The following RBM33 variants were observed in gnomAD, a reference collection of about 807,000 sequenced individuals.
The protein encoded by RBM33 is RNA-binding protein 33.
In RBM33, 28 loss-of-function variants were observed where a neutral mutation model predicts 132.6. The ratio of observed to expected loss-of-function variants is 0.21; its 90% CI spans 0.16 to 0.29. RBM33 has a LOEUF of 0.29. Among genes scored for constraint, RBM33 ranks in the 10% least tolerant of loss-of-function variants. The pLI is 1.00. For synonymous variants in RBM33, 634 were observed against 593.0 expected, an observed-to-expected ratio of 1.07 and a Z score of -1.01; for missense variants, 1,291 against 1,518.5, an observed-to-expected ratio of 0.85 and a Z score of 2.49.
intron 14 of RBM33, among the ~76,000 whole-genome samples, chr7:155,751,359 A>T (rs980255911): frequency 6.6e-6 from 1 of 152,218 alleles, no homozygotes; most frequent in Non-Finnish European, 1.5e-5. Flanking sequence ...TTACAAAACC[A>T]TATTTGTACA....
Position 155,763,815 on chromosome 7 carries a change from G to A in RBM33, c.2983G>A (p.Gly995Arg), listed in dbSNP as rs966468299. Reference sequence around the variant, plus strand: ...GCTGCCTTCTTGGTTTCAGCAGGGAGGAGAGAGCGATGGCTTTTTTCACCC... The same window carrying A: ...GCTGCCTTCTTGGTTTCAGCAGGGAAGAGAGAGCGATGGCTTTTTTCACCC... ...VRVIKLSGGGGESDGFFHPEG... is the reference protein window; with the variant it reads ...VRVIKLSGGGRESDGFFHPEG... Residue 995 changes from glycine to arginine, a missense_variant, in exon 15 of 18, where the codon GGA (glycine) becomes AGA (arginine). By Grantham distance (125) the Gly-to-Arg change is moderately radical. Transcript: ENST00000401878. The A allele has an allele frequency of 1.4e-5, 23 of 1,609,348 alleles. No individual in the cohort carries two copies. The highest frequency in any genetic ancestry group is 2.0e-5 in the Non-Finnish European group (23 of 1,177,894).
Position 155,738,157 on chromosome 7 carries a change from T to C in RBM33, c.1491T>C (p.Pro497=). ...PPPTLLNSSH[P]VPTQSPLPFT... The stretch of plus-strand genomic sequence containing the variant: ...CTACCCTTCTTAACAGTAGCCATCC[T>C]GTTCCTACTCAGAGTCCTCTACCAT... The change falls in exon 11 of 18, where the codon CCT becomes CCC. Residue 497 remains proline, a synonymous_variant. Transcript: ENST00000401878. 1.9e-6 allele frequency: 3 copies of C among 1,614,014 alleles called. No homozygotes were observed. The highest frequency in any genetic ancestry group is 2.5e-6 in the Non-Finnish European group (3 of 1,179,890).
In RBM33 at chr7:155,672,458, GT is replaced by G. The variant is rs552217285; in HGVS notation, c.123-408del. Reference sequence around the variant, plus strand: ...AAGAGGAAAGCATAGCAAACTTAATGTAAAAGTATCCAAGCTGGCCGGGCAT... The same window carrying G: ...AAGAGGAAAGCATAGCAAACTTAATGAAAAGTATCCAAGCTGGCCGGGCAT... On this transcript the variant is annotated intron_variant, in intron 2 of 17. Transcript: ENST00000401878. Among the ~76,000 whole-genome samples the G allele has an allele frequency of 1.4e-3, 215 of 152,220 alleles. 4 individuals are homozygous for G. Among genetic ancestry groups the G allele is most frequent in the African/African-American group, 4.9e-3 (205 of 41,538 alleles).
At chr7:155,670,249 C>A (rs1423977735) in intron 2 of RBM33, among the ~76,000 whole-genome samples, 2 of 152,292 alleles carry the variant, frequency 1.3e-5, no homozygotes, top group East Asian at 3.9e-4. Context: ...CTTTAGGGAA[C>A]TCTAGAATTG....
At chr7:155,732,147 G>A (rs1377121048) in intron 9 of RBM33, among the ~76,000 whole-genome samples, 2 of 152,202 alleles carry the variant, frequency 1.3e-5, no homozygotes, top group Non-Finnish European at 2.9e-5. Context: ...ACTGGAAAGG[G>A]GTGAAGGGGA....
chr7:155,702,203 G>A (rs1018916727), intron 6 of RBM33, among the ~76,000 whole-genome samples: 1 of 151,468 alleles, frequency 6.6e-6, no homozygotes, highest in African/African-American at 2.4e-5. Context: ...TCTTTTTTTT[G>A]TCCAAAACAT....
intron 5 of RBM33, among the ~76,000 whole-genome samples, chr7:155,687,584 T>C (rs560759251): frequency 6.6e-6 from 1 of 152,286 alleles, no homozygotes; most frequent in South Asian, 2.1e-4. Flanking sequence ...TGCCTAGGTT[T>C]TCTTCTAGGG....
chr7:155,711,592 G>A (rs763505171), intron 8 of RBM33, 137 bp downstream of exon 8: 6 of 537,494 alleles, frequency 1.1e-5, no homozygotes, highest in African/African-American at 2.0e-5. Context: ...ATCATCGTTC[G>A]AATGTTGAGA....
chr7:155,672,748 A>G, intron 2 of RBM33, 119 bp from the exon 3 acceptor site: 3 of 71,546 alleles, frequency 4.2e-5, no homozygotes, highest in African/African-American at 2.3e-4. Flanking sequence ...TTGTCTCAAA[A>G]AAAAAAAAAA....
intron 16 of RBM33, among the ~76,000 whole-genome samples, chr7:155,769,724 G>A (rs1802352424): frequency 6.6e-6 from 1 of 152,076 alleles, no homozygotes. Flanking sequence ...CCTGGTTGGT[G>A]AAGTAGAAAA....
At chr7:155,728,680 T>C (rs1333510582) in intron 9 of RBM33, among the ~76,000 whole-genome samples, 1 of 152,214 alleles carries the variant, frequency 6.6e-6, no homozygotes, top group Non-Finnish European at 1.5e-5. Flanking sequence ...ACTGGTTTTC[T>C]TGACTCTGAA....
rs1802641422 is a variant in RBM33, at chr7:155,777,161, TAATA to T, written c.*2123_*2126del. 6.6e-6 allele frequency: 1 copy of T among 152,604 alleles called. No individual in the cohort carries two copies. Among genetic ancestry groups the T allele is most frequent in the Admixed American group, 6.5e-5 (1 of 15,286 alleles). 9.5% of individuals were successfully genotyped at this position (152,604 alleles called of 1,614,324 possible). A position where few individuals can be genotyped will look rare whatever the true frequency, so the allele number is the denominator to read the frequency against. On this transcript the variant is annotated 3_prime_UTR_variant, in exon 18 of 18. Transcript: ENST00000401878. ...AAACAGACTTTTTTGTAGTCAGTGT[TAATA>T]AAACGGATCCTGTTTGGGCCTTCAT...
intron 1 of RBM33, among the ~76,000 whole-genome samples, chr7:155,664,427 AT>A (rs113000614): frequency 1.6e-3 from 225 of 141,722 alleles, no homozygotes; most frequent in Middle Eastern, 7.2e-3. Context: ...TGCCTGGCTG[AT>A]TTTTTTTTTT....
intron 9 of RBM33, among the ~76,000 whole-genome samples, chr7:155,719,231 T>G (rs567972878): frequency 1.3e-5 from 2 of 152,296 alleles, no homozygotes; most frequent in Admixed American, 1.3e-4. Context: ...AAAATTTTAA[T>G]GTCATTTATA....
chr7:155,762,285 T>TC (rs1391559409), intron 14 of RBM33, among the ~76,000 whole-genome samples: 1 of 152,236 alleles, frequency 6.6e-6, no homozygotes, highest in African/African-American at 2.4e-5. Flanking sequence ...CCCATGGGCT[T>TC]CCCTGTGCCT....
At chr7:155,673,766 G>GTGCACA (rs1554469942) in intron 3 of RBM33, among the ~76,000 whole-genome samples, 5 of 120,298 alleles carry the variant, frequency 4.2e-5, no homozygotes, top group Non-Finnish European at 8.3e-5. Flanking sequence ...GCGCGCATGC[G>GTGCACA]CGCACACACA....
chr7:155,673,403 TG>T (rs1339490248), intron 3 of RBM33, among the ~76,000 whole-genome samples: 18 of 3,538 alleles, frequency 5.1e-3, no homozygotes, highest in Non-Finnish European at 7.6e-3. Flanking sequence ...TTATATATAT[TG>T]TGTGTGTGTG....
rs776173542 is a variant in RBM33, at chr7:155,680,804, T to C, written c.463T>C (p.Leu155=). 1.9e-6 allele frequency: 3 copies of C among 1,613,804 alleles called. No individual in the cohort carries two copies. Among genetic ancestry groups the C allele is most frequent in the Non-Finnish European group, 2.5e-6 (3 of 1,179,802 alleles). ...EGQYEGHEAE[L]TEDQIEYVEE... is the part of the protein sequence containing the mutation. ...ACAGTATGAAGGCCACGAAGCTGAG[T>C]TGACAGAAGACCAAATAGAATATGT... The change falls in exon 5 of 18, where the codon TTG becomes CTG. Residue 155 remains leucine (L), a synonymous_variant. Coordinates refer to ENST00000401878, the MANE Select transcript of RBM33 (RefSeq NM_053043.3).
rs1271472557 is a variant in RBM33, at chr7:155,779,527, CTTAATA to C, written c.*4491_*4496del. On this transcript the variant is annotated 3_prime_UTR_variant, in exon 18 of 18. Coordinates refer to ENST00000401878, the MANE Select transcript of RBM33 (RefSeq NM_053043.3). ...ATTCTCCAAAGGCATTTAGCCTTGACTTAATATTAAATCCTAAGGATTTTATGTAAG... is the reference window on the plus strand; with the variant it reads ...ATTCTCCAAAGGCATTTAGCCTTGACTTAAATCCTAAGGATTTTATGTAAG... The C allele has an allele frequency of 6.6e-6, 1 of 152,192 alleles. No homozygotes were observed. The highest frequency in any genetic ancestry group is 2.4e-5 in the African/African-American group (1 of 41,434). 9.4% of individuals were successfully genotyped at this position (152,192 alleles called of 1,614,324 possible).
Sources: gnomAD v4.1 joint callset for allele counts (sites outside exome capture counted in the v4.1 genomes callset) on GRCh38, gnomAD v4.1.1 for gene constraint, MANE v1.5 for transcripts, NCBI Gene and HGNC (gene_info 2026-07-23, HGNC 2026-07-21) for gene names.